CSMD1: variants seen among roughly 807,000 people sequenced by gnomAD.
CSMD1 encodes the protein CUB and Sushi multiple domains 1.
Under a neutral mutation model 417.5 loss-of-function variants are expected in CSMD1, and 213 were observed. The observed-to-expected ratio is 0.51, with a 90% CI of 0.46 to 0.57. CSMD1 has a LOEUF of 0.57. Ranked by LOEUF, CSMD1 falls within the 20% of genes least tolerant of loss-of-function variation. CSMD1 has a pLI of 0.00. For missense variants in CSMD1, 6,923 were observed against 4,529.7 expected (o/e 1.53, Z -15.17); for synonymous variants, 2,862 against 1,736.8 (o/e 1.65, Z -16.11).
At chr8:4,193,729 C>G (rs1027733379) in intron 3 of CSMD1, among the ~76,000 whole-genome samples, 5 of 152,044 alleles carry the variant, frequency 3.3e-5, no homozygotes, top group African/African-American at 1.2e-4. Flanking sequence ...CACGTCTCCA[C>G]AGGAGAATGT....
At chr8:3,789,982 C>T (rs527660775) in intron 5 of CSMD1, among the ~76,000 whole-genome samples, 3 of 152,236 alleles carry the variant, frequency 2.0e-5, no homozygotes, top group East Asian at 1.9e-4. Context: ...CCGCCCACCT[C>T]GGCCTCCCAA....
intron 26 of CSMD1, among the ~76,000 whole-genome samples, chr8:3,276,008 C>G (rs1563214805): frequency 6.6e-6 from 1 of 152,148 alleles, no homozygotes; most frequent in Non-Finnish European, 1.5e-5. Context: ...AGGCACTCTG[C>G]TTTTTAGAGT....
intron 36 of CSMD1, among the ~76,000 whole-genome samples, chr8:3,181,961 TAGAC>T (rs2129047810): frequency 6.6e-6 from 1 of 152,258 alleles, no homozygotes; most frequent in African/African-American, 2.4e-5. Context: ...GGAAAAATAA[TAGAC>T]AAGTTTAAGT....
At chr8:3,495,117 T>G (rs1040281314) in intron 10 of CSMD1, among the ~76,000 whole-genome samples, 4 of 152,250 alleles carry the variant, frequency 2.6e-5, no homozygotes, top group Non-Finnish European at 5.9e-5. Context: ...TTTAGCAATC[T>G]CATTTGAAAT....
At chr8:4,315,251 G>C (rs768405268) in intron 3 of CSMD1, among the ~76,000 whole-genome samples, 16 of 152,148 alleles carry the variant, frequency 1.1e-4, no homozygotes, top group Non-Finnish European at 2.4e-4. Flanking sequence ...TTGAAGACCA[G>C]AGTGAGGTAG....
intron 1 of CSMD1, among the ~76,000 whole-genome samples, chr8:4,717,250 A>T (rs1341354157): frequency 6.6e-6 from 1 of 150,852 alleles, no homozygotes; most frequent in African/African-American, 2.5e-5. Flanking sequence ...TGGTAATGGC[A>T]GGATGAAAAT....
intron 5 of CSMD1, among the ~76,000 whole-genome samples, chr8:3,798,508 G>C (rs374277542): frequency 3.9e-5 from 6 of 152,154 alleles, no homozygotes; most frequent in East Asian, 1.9e-4. Flanking sequence ...CAAAAGGTGA[G>C]AAAGAAGAGG....
intron 7 of CSMD1, among the ~76,000 whole-genome samples, chr8:3,621,059 A>C (rs1476868333): frequency 6.6e-6 from 1 of 152,194 alleles, no homozygotes; most frequent in African/African-American, 2.4e-5. Flanking sequence ...TACATAAAGG[A>C]AAGTCCATGT....
At chr8:3,899,937 T>A (rs566804859) in intron 5 of CSMD1, among the ~76,000 whole-genome samples, 1 of 152,376 alleles carries the variant, frequency 6.6e-6, no homozygotes, top group South Asian at 2.1e-4. Flanking sequence ...ATTTATAACT[T>A]AATTCCCATG....
intron 7 of CSMD1, among the ~76,000 whole-genome samples, chr8:3,659,355 T>C (rs559048737): frequency 1.3e-5 from 2 of 152,340 alleles, no homozygotes; most frequent in African/African-American, 4.8e-5. Flanking sequence ...CTTGCCAATC[T>C]AGTTTACTAC....
chr8:3,477,835 G>T (rs937069862), intron 11 of CSMD1, among the ~76,000 whole-genome samples: 4 of 152,152 alleles, frequency 2.6e-5, no homozygotes, highest in Non-Finnish European at 5.9e-5. Flanking sequence ...GGGTTCCCAG[G>T]ACATGGTAGT....
intron 1 of CSMD1, among the ~76,000 whole-genome samples, chr8:4,808,389 T>C (rs1409863443): frequency 6.6e-6 from 1 of 152,192 alleles, no homozygotes; most frequent in East Asian, 1.9e-4. Context: ...ACCCTTTTGC[T>C]AAGTTCTGTG....
At chr8:3,451,567 T>A (rs532482877) in intron 12 of CSMD1, among the ~76,000 whole-genome samples, 1 of 152,230 alleles carries the variant, frequency 6.6e-6, no homozygotes, top group Non-Finnish European at 1.5e-5. Flanking sequence ...ATTTATTAAA[T>A]AGGGAATCCT....
At chr8:3,936,379 T>G (rs1219934944) in intron 5 of CSMD1, among the ~76,000 whole-genome samples, 1 of 152,102 alleles carries the variant, frequency 6.6e-6, no homozygotes, top group Non-Finnish European at 1.5e-5. Context: ...TTTTCATAGC[T>G]AGAGAAAAGA....
chr8:3,442,464 A>T (rs1815046748), intron 12 of CSMD1, among the ~76,000 whole-genome samples: 1 of 152,104 alleles, frequency 6.6e-6, no homozygotes, highest in Non-Finnish European at 1.5e-5. Context: ...CAGTGTTTTT[A>T]CTGTACCTTT....
intron 26 of CSMD1, among the ~76,000 whole-genome samples, chr8:3,261,832 C>G (rs1801082289): frequency 6.6e-6 from 1 of 152,012 alleles, no homozygotes; most frequent in African/African-American, 2.4e-5. Context: ...TGAATGGCTG[C>G]CAGGGATTAC....
intron 5 of CSMD1, among the ~76,000 whole-genome samples, chr8:3,893,002 G>T (rs1214429043): frequency 6.6e-6 from 1 of 151,754 alleles, no homozygotes; most frequent in Non-Finnish European, 1.5e-5. Context: ...TCATGGTTCA[G>T]TTTTCACACT....
At chr8:4,872,089 G>C (rs555678404) in intron 1 of CSMD1, among the ~76,000 whole-genome samples, 5 of 152,194 alleles carry the variant, frequency 3.3e-5, no homozygotes, top group Non-Finnish European at 7.4e-5. Flanking sequence ...GTCAGGCTCT[G>C]TTGTCACTGC....
chr8:4,468,233 G>A (rs1480825415), intron 2 of CSMD1, among the ~76,000 whole-genome samples: 1 of 152,206 alleles, frequency 6.6e-6, no homozygotes, highest in Non-Finnish European at 1.5e-5. Context: ...CTGGGGAAAG[G>A]AAGGAGAGCT....
Sources: allele counts gnomAD v4.1 joint callset (sites outside exome capture counted in the v4.1 genomes callset), GRCh38; gene constraint gnomAD v4.1.1; transcripts MANE v1.5; gene names NCBI Gene and HGNC (gene_info 2026-07-23, HGNC 2026-07-21).